Variants in PACRG observed in about 807,000 individuals in gnomAD.
The protein encoded by PACRG is parkin coregulated, also known as parkin coregulated gene protein.
A neutral mutation model predicts 29.7 loss-of-function variants in PACRG; 29 were observed. That is an observed-to-expected ratio of 0.98 (90% CI 0.73 to 1.33). The LOEUF is 1.33. PACRG is among the 40% of genes most tolerant of loss of function. The probability of loss-of-function intolerance (pLI) is 0.00; values close to 1 mark genes in which losing one functional copy is unlikely to be tolerated. For missense variants in PACRG, 279 were observed against 316.2 expected, an observed-to-expected ratio of 0.88 and a Z score of 0.89; for synonymous variants, 116 against 118.7, an observed-to-expected ratio of 0.98 and a Z score of 0.15.
chr6:162,836,452 C>G (rs1789230870), intron 2 of PACRG, among the ~76,000 whole-genome samples: 1 of 152,088 alleles, frequency 6.6e-6, no homozygotes, highest in African/African-American at 2.4e-5. Context: ...CTGAACACTT[C>G]CCTTTCTTTC....
chr6:163,016,893 C>G (rs1806162020), intron 2 of PACRG, among the ~76,000 whole-genome samples: 1 of 151,896 alleles, frequency 6.6e-6, no homozygotes, highest in Admixed American at 6.6e-5. Context: ...GTCTTTTTCT[C>G]TTCTATTATT....
At chr6:162,925,301 C>A (rs953327142) in intron 2 of PACRG, among the ~76,000 whole-genome samples, 2 of 152,140 alleles carry the variant, frequency 1.3e-5, no homozygotes, top group South Asian at 4.1e-4. Context: ...GGACTTCTCC[C>A]TAACTCATTT....
chr6:162,807,717 T>G (rs958563584), intron 1 of PACRG, among the ~76,000 whole-genome samples: 6 of 152,064 alleles, frequency 3.9e-5, no homozygotes, highest in African/African-American at 1.4e-4. Context: ...AGTACCAGGA[T>G]TACCAAAACA....
chr6:163,095,316 A>C, intron 4 of PACRG: 1 of 985,182 alleles, frequency 1.0e-6, no homozygotes, highest in African/African-American at 1.7e-5. Flanking sequence ...TTACGTCTCT[A>C]TGTGCTCTTC....
intron 4 of PACRG, among the ~76,000 whole-genome samples, chr6:163,122,004 T>C (rs1456864963): frequency 6.6e-6 from 1 of 152,102 alleles, no homozygotes; most frequent in East Asian, 1.9e-4. Flanking sequence ...CACTTGCTGC[T>C]ATTCTATACA....
chr6:163,193,673 A>G (rs548486192), intron 4 of PACRG, among the ~76,000 whole-genome samples: 4 of 152,150 alleles, frequency 2.6e-5, no homozygotes, highest in African/African-American at 9.6e-5. Context: ...TTATTTTGTT[A>G]TATTGAACTC....
chr6:163,283,267 A>G (rs1784279461), intron 4 of PACRG, among the ~76,000 whole-genome samples: 1 of 152,244 alleles, frequency 6.6e-6, no homozygotes, highest in Non-Finnish European at 1.5e-5. Context: ...CTTTCCAGCC[A>G]TGAACACAAC....
intron 2 of PACRG, among the ~76,000 whole-genome samples, chr6:163,061,256 A>G (rs1167063644): frequency 6.6e-6 from 1 of 152,178 alleles, no homozygotes; most frequent in Non-Finnish European, 1.5e-5. Context: ...TCTCACCTTC[A>G]GCTCTGCCGC....
intron 4 of PACRG, among the ~76,000 whole-genome samples, chr6:163,268,244 C>CA (rs1428368552): frequency 2.6e-5 from 4 of 151,228 alleles, no homozygotes; most frequent in African/African-American, 4.9e-5. Context: ...ACTAAAAATA[C>CA]AAAAAAAATT....
chr6:163,189,592 T>C (rs572182066), intron 4 of PACRG: 1 of 152,366 alleles, frequency 6.6e-6, no homozygotes, highest in East Asian at 1.9e-4. Flanking sequence ...TGCTAGTTTC[T>C]CCCGTGTTCT....
At chr6:163,220,025 A>T (rs1781515666) in intron 4 of PACRG, among the ~76,000 whole-genome samples, 1 of 152,128 alleles carries the variant, frequency 6.6e-6, no homozygotes, top group African/African-American at 2.4e-5. Context: ...GTCATCATCT[A>T]CTATTTAATA....
intron 2 of PACRG, among the ~76,000 whole-genome samples, chr6:163,016,049 G>A (rs1806070953): frequency 1.3e-5 from 2 of 152,120 alleles, no homozygotes; most frequent in Non-Finnish European, 1.5e-5. Context: ...AAGTAAATAA[G>A]ATACAAATGA....
intron 2 of PACRG, among the ~76,000 whole-genome samples, chr6:162,907,069 T>G (rs974063156): frequency 9.2e-5 from 14 of 152,342 alleles, no homozygotes; most frequent in African/African-American, 3.1e-4. Context: ...ATTAAAAATC[T>G]ACACAAATCA....
chr6:162,884,760 T>C (rs145555953), intron 2 of PACRG, among the ~76,000 whole-genome samples: 1 of 152,296 alleles, frequency 6.6e-6, no homozygotes, highest in Non-Finnish European at 1.5e-5. Flanking sequence ...TGCCTGTGTA[T>C]GGTGGTTGGC....
At chr6:162,832,256 C>T (rs535454905) in intron 2 of PACRG, among the ~76,000 whole-genome samples, 3 of 152,194 alleles carry the variant, frequency 2.0e-5, no homozygotes, top group East Asian at 1.9e-4. Flanking sequence ...CTCTAATGAT[C>T]GTGATGATGA....
chr6:163,207,013 G>T (rs985011), intron 4 of PACRG, among the ~76,000 whole-genome samples: 4,434 of 152,210 alleles, frequency 0.029, 199 homozygotes, highest in African/African-American at 0.096. Flanking sequence ...TGGTTCGTGT[G>T]GGACATTTCG....
chr6:163,237,614 G>T (rs1483657881), intron 4 of PACRG, among the ~76,000 whole-genome samples: 1 of 152,072 alleles, frequency 6.6e-6, no homozygotes, highest in South Asian at 2.1e-4. Flanking sequence ...TTGTCTCTTT[G>T]TCACCCCAGT....
At chr6:162,804,036 G>A (rs1786105701) in intron 1 of PACRG, among the ~76,000 whole-genome samples, 1 of 152,074 alleles carries the variant, frequency 6.6e-6, no homozygotes, top group South Asian at 2.1e-4. Flanking sequence ...GATAGAAATG[G>A]CAACATCGAA....
intron 4 of PACRG, among the ~76,000 whole-genome samples, chr6:163,207,779 TAAGTGTCTCTTATAATGA>T (rs1022466688): frequency 7.9e-5 from 12 of 152,244 alleles, no homozygotes; most frequent in Admixed American, 1.3e-4. Context: ...TCAGGATCCA[TAAGTGTCTCTTATAATGA>T]AAGTGGAAGA....
Sources: allele counts gnomAD v4.1 joint callset (sites outside exome capture counted in the v4.1 genomes callset), GRCh38; gene constraint gnomAD v4.1.1; transcripts MANE v1.5; gene names NCBI Gene and HGNC (gene_info 2026-07-23, HGNC 2026-07-21).